CNTNAP2: variants seen among roughly 807,000 people sequenced by gnomAD.
CNTNAP2 encodes contactin associated protein 2, also known as contactin-associated protein-like 2.
In CNTNAP2, 98 loss-of-function variants were observed where a neutral mutation model predicts 155.2. The observed-to-expected ratio is 0.63, with a 90% CI of 0.54 to 0.75. The LOEUF (loss-of-function observed/expected upper bound fraction) is 0.75, where lower values mean the gene tolerates loss of function less well. CNTNAP2 is among the 30% of genes least tolerant of loss of function. The pLI is 0.00. For synonymous variants in CNTNAP2, 651 were observed against 631.2 expected, an observed-to-expected ratio of 1.03 and a Z score of -0.47; for missense variants, 1,727 against 1,688.1, an observed-to-expected ratio of 1.02 and a Z score of -0.40.
chr7:147,469,621 C>A (rs1347118526), intron 10 of CNTNAP2, among the ~76,000 whole-genome samples: 4 of 150,332 alleles, frequency 2.7e-5, no homozygotes, highest in South Asian at 2.1e-4. Flanking sequence ...CGGGTTCAAG[C>A]GATTCTCCTG....
At chr7:148,386,171 GAGTTCTTACCC>G in intron 22 of CNTNAP2, among the ~76,000 whole-genome samples, 1 of 152,174 alleles carries the variant, frequency 6.6e-6, no homozygotes, top group African/African-American at 2.4e-5. Flanking sequence ...TACACTTGGA[GAGTTCTTACCC>G]AGTGTCCAGC....
rs544263975 is a variant in CNTNAP2 at position 146,317,021 on chromosome 7, C to T, written c.97+200048C>T. On this transcript the variant is annotated intron_variant, in intron 1 of 23. Coordinates refer to ENST00000361727, the MANE Select transcript of CNTNAP2 (RefSeq NM_014141.6). ...CAATTGAAAATTGTGTTATGTACCG[C>T]ATACCATGATGGATAATACCACAAC... 3.9e-5 allele frequency among the ~76,000 whole-genome samples: 6 copies of T among 152,252 alleles called. No homozygotes were observed. In the South Asian group the frequency reaches 1.2e-3, roughly 32 times the overall value.
rs146599997 is a variant in CNTNAP2, at chr7:148,103,410, T to C, written c.2384-14708T>C. 6.3e-4 allele frequency among the ~76,000 whole-genome samples: 96 copies of C among 152,286 alleles called. 1 individual carries two copies. In the East Asian group the frequency reaches 0.016, roughly 26 times the overall value. ...ACTTATGCAGTCTGTCTTTCCCTGATACAAATTCTCAGATTTCTTTGAAAT... is the reference window on the plus strand; with the variant it reads ...ACTTATGCAGTCTGTCTTTCCCTGACACAAATTCTCAGATTTCTTTGAAAT... On this transcript the variant is annotated intron_variant, in intron 15 of 23. Coordinates refer to ENST00000361727, the MANE Select transcript of CNTNAP2 (RefSeq NM_014141.6).
chr7:146,413,230 A>G (rs533159026), intron 1 of CNTNAP2, among the ~76,000 whole-genome samples: 18 of 152,278 alleles, frequency 1.2e-4, no homozygotes, highest in African/African-American at 4.1e-4. Flanking sequence ...ATCAAAAGGC[A>G]TGGTCCAGCC....
intron 1 of CNTNAP2, among the ~76,000 whole-genome samples, chr7:146,754,460 C>A (rs979672757): frequency 6.6e-6 from 1 of 151,816 alleles, no homozygotes; most frequent in African/African-American, 2.4e-5. Flanking sequence ...CAGCTGACTA[C>A]CATTGAACCT....
intron 11 of CNTNAP2, among the ~76,000 whole-genome samples, chr7:147,513,130 AATC>A (rs762265082): frequency 8.5e-4 from 130 of 152,292 alleles, no homozygotes; most frequent in East Asian, 1.2e-3. Context: ...TTTCAGTTGA[AATC>A]AAATGAAAAT....
chr7:147,094,372 T>A lies in CNTNAP2; in HGVS notation c.551-13775T>A, dbSNP rs373250225. On this transcript the variant is annotated intron_variant, in intron 4 of 23. Transcript: ENST00000361727. Reference sequence around the variant, plus strand: ...ATTACCCTTAAAGGTCCATTCAGAATAATGTAGCCTTTTATTATTATTATT... The same window carrying A: ...ATTACCCTTAAAGGTCCATTCAGAAAAATGTAGCCTTTTATTATTATTATT... Among the ~76,000 whole-genome samples, 38 of 151,740 alleles carry A rather than the reference T, an allele frequency of 2.5e-4. 1 individual carries two copies. The highest frequency in any genetic ancestry group is 6.8e-3 in the Middle Eastern group (2 of 292).
At chr7:148,119,647 A>C (rs921584872) in intron 16 of CNTNAP2, among the ~76,000 whole-genome samples, 5 of 152,202 alleles carry the variant, frequency 3.3e-5, no homozygotes, top group African/African-American at 1.2e-4. Context: ...CTGAAATGCT[A>C]TTGGATTCAC....
intron 8 of CNTNAP2, among the ~76,000 whole-genome samples, chr7:147,198,639 G>A (rs762061878): frequency 1.3e-5 from 2 of 152,116 alleles, no homozygotes; most frequent in South Asian, 2.1e-4. Flanking sequence ...TTTACCAAAC[G>A]AACTTTAAAT....
At chr7:147,169,346 G>T (rs1193048407) in intron 8 of CNTNAP2, among the ~76,000 whole-genome samples, 1 of 152,154 alleles carries the variant, frequency 6.6e-6, no homozygotes, top group African/African-American at 2.4e-5. Flanking sequence ...AATATTGCAT[G>T]ATGCTGAGGA....
At chr7:147,190,102 T>C (rs1802652474) in intron 8 of CNTNAP2, among the ~76,000 whole-genome samples, 1 of 152,136 alleles carries the variant, frequency 6.6e-6, no homozygotes, top group Non-Finnish European at 1.5e-5. Context: ...CCCAAATATA[T>C]TCAGTCCATT....
chr7:147,948,978 G>A (rs1425854276), intron 14 of CNTNAP2, among the ~76,000 whole-genome samples: 1 of 151,984 alleles, frequency 6.6e-6, no homozygotes, highest in Non-Finnish European at 1.5e-5. Context: ...GAGGCGGGTG[G>A]ATCACCTGAG....
chr7:147,789,572 G>C (rs1289120438), intron 13 of CNTNAP2, among the ~76,000 whole-genome samples: 1 of 152,118 alleles, frequency 6.6e-6, no homozygotes, highest in Non-Finnish European at 1.5e-5. Context: ...TTAATATTGA[G>C]TGTCAACTTG....
intron 8 of CNTNAP2, among the ~76,000 whole-genome samples, chr7:147,286,999 A>G (rs1352373188): frequency 6.6e-6 from 1 of 152,124 alleles, no homozygotes; most frequent in Non-Finnish European, 1.5e-5. Flanking sequence ...GTTAAAGAAA[A>G]AAAAATATTC....
At chr7:147,076,135 G>A (rs1799995499) in intron 4 of CNTNAP2, among the ~76,000 whole-genome samples, 1 of 152,118 alleles carries the variant, frequency 6.6e-6, no homozygotes, top group Non-Finnish European at 1.5e-5. Context: ...ATAATCCTTT[G>A]GGTATATACC....
intron 12 of CNTNAP2, among the ~76,000 whole-genome samples, chr7:147,615,051 A>T (rs1219994580): frequency 6.6e-6 from 1 of 150,848 alleles, no homozygotes; most frequent in Non-Finnish European, 1.5e-5. Flanking sequence ...CTAGGAATTC[A>T]AGAGCAGCCT....
At chr7:147,026,261 C>G (rs1175801128) in intron 3 of CNTNAP2, among the ~76,000 whole-genome samples, 1 of 152,100 alleles carries the variant, frequency 6.6e-6, no homozygotes, top group Non-Finnish European at 1.5e-5. Flanking sequence ...CATTATAATG[C>G]ACAGGTGTTT....
chr7:147,952,555 T>C (rs1800954479), intron 14 of CNTNAP2, among the ~76,000 whole-genome samples: 1 of 152,176 alleles, frequency 6.6e-6, no homozygotes, highest in Non-Finnish European at 1.5e-5. Context: ...AATGTACGCC[T>C]ATCATAATGT....
At chr7:146,185,525 A>G (rs903206820) in intron 1 of CNTNAP2, among the ~76,000 whole-genome samples, 7 of 152,182 alleles carry the variant, frequency 4.6e-5, no homozygotes, top group African/African-American at 1.4e-4. Flanking sequence ...ACTCTCTGTA[A>G]ATTTTAATGT....
Sources: gnomAD v4.1 joint callset for allele counts (sites outside exome capture counted in the v4.1 genomes callset) on GRCh38, gnomAD v4.1.1 for gene constraint, MANE v1.5 for transcripts, NCBI Gene and HGNC (gene_info 2026-07-23, HGNC 2026-07-21) for gene names.